Variants in NPAS3 observed in about 807,000 individuals in gnomAD.
NPAS3 encodes neuronal PAS domain protein 3, also known as neuronal PAS domain-containing protein 3.
A neutral mutation model predicts 73.1 loss-of-function variants in NPAS3; 14 were observed. The ratio of observed to expected loss-of-function variants is 0.19; its 90% CI spans 0.13 to 0.30. NPAS3 has a LOEUF of 0.30. NPAS3 is among the 10% of genes least tolerant of loss of function. NPAS3 has a pLI of 1.00. For synonymous variants in NPAS3, 620 were observed against 541.5 expected, an observed-to-expected ratio of 1.14 and a Z score of -2.01; for missense variants, 1,096 against 1,250.0, an observed-to-expected ratio of 0.88 and a Z score of 1.86.
At position 33,636,903 on chromosome 14, in the gene NPAS3, G is replaced by GCACACACACACACACACA. The variant is rs34527893; in HGVS notation, c.559-39301_559-39284dup. Reference sequence around the variant, plus strand: ...AGCAGGAGGAGGACACTCGGAGTGTGCACACACACACACACACACACACAG... The same window carrying GCACACACACACACACACA: ...AGCAGGAGGAGGACACTCGGAGTGTGCACACACACACACACACACACACACACACACACACACACACAG... On this transcript the variant is annotated intron_variant, in intron 5 of 11. Transcript: ENST00000356141. Among the ~76,000 whole-genome samples, 391 of 149,270 alleles carry GCACACACACACACACACA rather than the reference G, an allele frequency of 2.6e-3. 1 individual carries two copies. The highest frequency in any genetic ancestry group is 7.9e-3 in the African/African-American group (320 of 40,742).
intron 3 of NPAS3, among the ~76,000 whole-genome samples, chr14:33,247,832 A>G (rs1466013963): frequency 2.0e-5 from 3 of 152,216 alleles, no homozygotes; most frequent in Non-Finnish European, 4.4e-5. Context: ...AGTGTGGGTT[A>G]CAAGATGAAA....
intron 4 of NPAS3, among the ~76,000 whole-genome samples, chr14:33,427,575 C>T (rs976341529): frequency 2.0e-5 from 3 of 151,712 alleles, no homozygotes; most frequent in Admixed American, 1.3e-4. Flanking sequence ...TAGACATTCA[C>T]GATGGGAGTA....
At chr14:33,198,049 C>T (rs988722973) in intron 2 of NPAS3, among the ~76,000 whole-genome samples, 40 of 149,592 alleles carry the variant, frequency 2.7e-4, no homozygotes, top group Non-Finnish European at 1.3e-4. Flanking sequence ...TAAGGCAGTG[C>T]GTCTAGAGTT....
At chr14:33,260,134 G>A (rs2048920194) in intron 3 of NPAS3, among the ~76,000 whole-genome samples, 1 of 152,000 alleles carries the variant, frequency 6.6e-6, no homozygotes, top group African/African-American at 2.4e-5. Context: ...TGACTTTCAC[G>A]TTTCTTTATC....
At chr14:33,608,050 G>A (rs895747316) in intron 5 of NPAS3, among the ~76,000 whole-genome samples, 1 of 152,022 alleles carries the variant, frequency 6.6e-6, no homozygotes, top group African/African-American at 2.4e-5. Flanking sequence ...ATTTGGGTGG[G>A]GACACAGCCA....
At chr14:33,391,300 TCTC>T (rs1052539641) in intron 4 of NPAS3, among the ~76,000 whole-genome samples, 2 of 151,306 alleles carry the variant, frequency 1.3e-5, no homozygotes, top group Non-Finnish European at 2.9e-5. Flanking sequence ...TTTAAGCAAT[TCTC>T]CTGCCTCAGC....
chr14:33,448,538 C>G (rs1290647208), intron 4 of NPAS3, among the ~76,000 whole-genome samples: 1 of 152,164 alleles, frequency 6.6e-6, no homozygotes, highest in Non-Finnish European at 1.5e-5. Flanking sequence ...ATGAACTGTG[C>G]TTGATACATA....
chr14:33,651,758 G>T (rs1190867378), intron 5 of NPAS3, among the ~76,000 whole-genome samples: 2 of 152,120 alleles, frequency 1.3e-5, no homozygotes, highest in African/African-American at 4.8e-5. Flanking sequence ...AGACGTAAAT[G>T]CTCAATACAT....
chr14:33,674,488 G>C (rs1595410829), intron 5 of NPAS3, among the ~76,000 whole-genome samples: 1 of 152,174 alleles, frequency 6.6e-6, no homozygotes, highest in Admixed American at 6.5e-5. Context: ...ATTGCTCAAA[G>C]TCAGTTTACC....
intron 9 of NPAS3, among the ~76,000 whole-genome samples, chr14:33,785,473 T>C (rs989069804): frequency 1.3e-5 from 2 of 151,128 alleles, no homozygotes; most frequent in African/African-American, 2.4e-5. Context: ...TTCTGAGTCA[T>C]CCATTTTCAC....
intron 1 of NPAS3, among the ~76,000 whole-genome samples, chr14:32,972,075 AC>A (rs1003329605): frequency 6.6e-5 from 10 of 151,390 alleles, no homozygotes; most frequent in African/African-American, 2.4e-4. Flanking sequence ...AGTAGCTGGG[AC>A]TACAGGCGCT....
At chr14:33,046,628 A>T (rs1260615286) in intron 1 of NPAS3, among the ~76,000 whole-genome samples, 1 of 152,198 alleles carries the variant, frequency 6.6e-6, no homozygotes, top group Admixed American at 6.5e-5. Flanking sequence ...TATATGTGCT[A>T]TCTGGAAGAA....
intron 5 of NPAS3, among the ~76,000 whole-genome samples, chr14:33,668,838 G>A (rs2059531508): frequency 6.6e-6 from 1 of 152,076 alleles, no homozygotes; most frequent in African/African-American, 2.4e-5. Flanking sequence ...TAAAATGGCT[G>A]TTTAGAATCA....
At chr14:33,007,071 A>T (rs2039026144) in intron 1 of NPAS3, among the ~76,000 whole-genome samples, 1 of 152,226 alleles carries the variant, frequency 6.6e-6, no homozygotes, top group South Asian at 2.1e-4. Flanking sequence ...TAGATGTCAC[A>T]GTCAGTGGCA....
intron 6 of NPAS3, among the ~76,000 whole-genome samples, chr14:33,683,887 G>T (rs1259670436): frequency 6.6e-6 from 1 of 152,176 alleles, no homozygotes; most frequent in Non-Finnish European, 1.5e-5. Context: ...TATCCTCTTG[G>T]TGTATGCAGA....
At chr14:33,052,982 T>TA (rs1045232189) in intron 1 of NPAS3, among the ~76,000 whole-genome samples, 7 of 152,076 alleles carry the variant, frequency 4.6e-5, no homozygotes, top group Admixed American at 2.6e-4. Flanking sequence ...GGCAATTGTT[T>TA]AAAAAAAATT....
intron 1 of NPAS3, among the ~76,000 whole-genome samples, chr14:33,036,332 G>T (rs1386793226): frequency 6.6e-6 from 1 of 152,116 alleles, no homozygotes; most frequent in Non-Finnish European, 1.5e-5. Flanking sequence ...AGAACAAGGT[G>T]CTTGCAGAGA....
chr14:33,664,697 A>G (rs1420708630), intron 5 of NPAS3, among the ~76,000 whole-genome samples: 1 of 152,252 alleles, frequency 6.6e-6, no homozygotes, highest in East Asian at 1.9e-4. Context: ...AAGTAGGCAA[A>G]GGATATAAAC....
At chr14:33,027,045 C>T (rs1234875836) in intron 1 of NPAS3, among the ~76,000 whole-genome samples, 1 of 152,108 alleles carries the variant, frequency 6.6e-6, no homozygotes, top group Non-Finnish European at 1.5e-5. Flanking sequence ...TCCTTCCTGC[C>T]TGGTAAGTGT....
Sources: allele counts gnomAD v4.1 joint callset (sites outside exome capture counted in the v4.1 genomes callset), GRCh38; gene constraint gnomAD v4.1.1; transcripts MANE v1.5; gene names NCBI Gene and HGNC (gene_info 2026-07-23, HGNC 2026-07-21).